CARMIL1: variants seen among roughly 807,000 people sequenced by gnomAD.
CARMIL1 encodes capping protein regulator and myosin 1 linker 1.
A neutral mutation model predicts 177.1 loss-of-function variants in CARMIL1; 90 were observed. The ratio of observed to expected loss-of-function variants is 0.51; its 90% CI spans 0.43 to 0.61. The LOEUF (loss-of-function observed/expected upper bound fraction) is 0.61, where lower values mean the gene tolerates loss of function less well. CARMIL1 is among the 20% of genes least tolerant of loss of function. The pLI is 0.00. For missense variants in CARMIL1, 1,380 were observed against 1,667.0 expected, an observed-to-expected ratio of 0.83 and a Z score of 3.00; for synonymous variants, 577 against 606.2, an observed-to-expected ratio of 0.95 and a Z score of 0.71.
At chr6:25,297,282 T>G (rs1196490729) in intron 2 of CARMIL1, among the ~76,000 whole-genome samples, 1 of 152,230 alleles carries the variant, frequency 6.6e-6, no homozygotes, top group African/African-American at 2.4e-5. Flanking sequence ...TTGGCTTGGG[T>G]GTACAGATGT....
At chr6:25,384,344 C>G (rs923077721) in intron 2 of CARMIL1, among the ~76,000 whole-genome samples, 5 of 152,210 alleles carry the variant, frequency 3.3e-5, no homozygotes, top group Admixed American at 3.3e-4. Flanking sequence ...TCTGTGGCCA[C>G]CAATAGCCAG....
chr6:25,313,572 C>CAGGGCA, intron 2 of CARMIL1, among the ~76,000 whole-genome samples: 1 of 97,712 alleles, frequency 1.0e-5, no homozygotes, highest in East Asian at 5.3e-4. Context: ...GGATGAGGGG[C>CAGGGCA]AGGGCCAGGG....
Position 25,558,022 on chromosome 6 carries a change from G to A in CARMIL1, c.2742+1172G>A, listed in dbSNP as rs1810780791. On this transcript the variant is annotated intron_variant, in intron 29 of 36. Coordinates refer to ENST00000329474, the MANE Select transcript of CARMIL1 (RefSeq NM_017640.6). This position sits in a 1 kb window ranked among gnomAD's most constrained non-coding sequence, Gnocchi z 4.1. ...ATAAACCTGCACATATATTTAATCT[G>A]GGTGGAGGAAATTGTCAAGTTTTTA... Among the ~76,000 whole-genome samples, 1 of 152,026 alleles carries A rather than the reference G, an allele frequency of 6.6e-6. No homozygotes were observed. The highest frequency in any genetic ancestry group is 2.4e-5 in the African/African-American group (1 of 41,400).
In CARMIL1 at chr6:25,540,061, G is replaced by A; in HGVS notation, c.2311G>A (p.Val771Ile). The A allele has an allele frequency of 2.5e-6, 4 of 1,605,772 alleles. No homozygotes were observed. The highest frequency in any genetic ancestry group is 1.1e-5 in the South Asian group (1 of 88,928). The change falls in exon 26 of 37, where the codon GTA becomes ATA. Residue 771 changes from valine to isoleucine, a missense_variant. Physicochemically the swap from Val to Ile is conservative, Grantham distance 29. Coordinates refer to ENST00000329474, the MANE Select transcript of CARMIL1 (RefSeq NM_017640.6). ...ESMAGEVTRVVDEQLKALLES... is the reference protein window; with the variant it reads ...ESMAGEVTRVIDEQLKALLES... ...AATGGCTGGAGAAGTTACAAGAGTA[G>A]TAGATGAACAACTAAAGGTTTGTGG...
chr6:25,451,807 A>C (rs115294482), intron 8 of CARMIL1, among the ~76,000 whole-genome samples: 279 of 152,016 alleles, frequency 1.8e-3, no homozygotes, highest in South Asian at 0.012. Context: ...TTAATAAATT[A>C]GTAGCAGGTA....
At chr6:25,411,625 A>G (rs1794910913) in intron 2 of CARMIL1, among the ~76,000 whole-genome samples, 1 of 152,224 alleles carries the variant, frequency 6.6e-6, no homozygotes. Flanking sequence ...TGACTTTGGA[A>G]AGAATGAAGT....
At chr6:25,391,801 C>T (rs1792847686) in intron 2 of CARMIL1, among the ~76,000 whole-genome samples, 1 of 152,170 alleles carries the variant, frequency 6.6e-6, no homozygotes, top group South Asian at 2.1e-4. Context: ...TCCAAGGTCA[C>T]ATGGCTAGTC....
chr6:25,560,610 G>A (rs1470016811), intron 29 of CARMIL1, among the ~76,000 whole-genome samples: 1 of 152,068 alleles, frequency 6.6e-6, no homozygotes, highest in Admixed American at 6.6e-5. Flanking sequence ...GGAAACTGAG[G>A]GAGAGAAAAG....
chr6:25,478,614 G>A (rs776921379), intron 11 of CARMIL1, among the ~76,000 whole-genome samples: 1 of 152,152 alleles, frequency 6.6e-6, no homozygotes, highest in Non-Finnish European at 1.5e-5. Flanking sequence ...GGCTAACACA[G>A]TGAAACCCCG....
At chr6:25,457,366 T>C (rs1799630633) in intron 8 of CARMIL1, among the ~76,000 whole-genome samples, 2 of 152,178 alleles carry the variant, frequency 1.3e-5, no homozygotes, top group Admixed American at 6.5e-5. Flanking sequence ...TCAAAAAATA[T>C]AGAGACCACT....
Position 25,365,855 on chromosome 6 carries a change from G to T in CARMIL1, c.139-54259G>T, listed in dbSNP as rs550380036. Among the ~76,000 whole-genome samples, 4 of 152,314 alleles carry T rather than the reference G, an allele frequency of 2.6e-5. No individual in the cohort carries two copies. The South Asian group carries it at 8.3e-4, about 32-fold the overall frequency. ...TGTACAAGTGTGAGCCACCATGCCT[G>T]ACCATAAGCCTTTTGAAAGCTGTAC... On this transcript the variant is annotated intron_variant, in intron 2 of 36. Coordinates refer to ENST00000329474, the MANE Select transcript of CARMIL1 (RefSeq NM_017640.6).
chr6:25,458,603 A>G (rs1274763461), intron 8 of CARMIL1, among the ~76,000 whole-genome samples: 2 of 151,896 alleles, frequency 1.3e-5, no homozygotes, highest in Non-Finnish European at 2.9e-5. Flanking sequence ...ATCCTGGTAT[A>G]TCCTCTGTAG....
Position 25,551,003 on chromosome 6 carries a change from A to C in CARMIL1, c.2422A>C (p.Thr808Pro). The change falls in exon 27 of 37, where the codon ACC becomes CCC. Residue 808 changes from threonine (T) to proline (P), a missense_variant. Thr to Pro is a conservative substitution (Grantham distance 38). Transcript: ENST00000329474. ...HIRQDLIHAS[T>P]EKISIPRTFV... ...TCGACAAGACTTGATTCATGCCAGC[A>C]CCGAAAAGATTTCTATTCCACGTAC... 6.2e-7 allele frequency: 1 copy of C among 1,613,570 alleles called. No homozygotes were observed. Among genetic ancestry groups the C allele is most frequent in the Non-Finnish European group, 8.5e-7 (1 of 1,179,576 alleles).
intron 2 of CARMIL1, among the ~76,000 whole-genome samples, chr6:25,294,047 T>C (rs987834971): frequency 6.6e-6 from 1 of 152,212 alleles, no homozygotes; most frequent in Non-Finnish European, 1.5e-5. Context: ...TTTGAAAGCA[T>C]TATCACTTGG....
At chr6:25,574,069 C>G (rs1453808620) in intron 29 of CARMIL1, among the ~76,000 whole-genome samples, 2 of 152,146 alleles carry the variant, frequency 1.3e-5, no homozygotes, top group Non-Finnish European at 2.9e-5. Flanking sequence ...TAGTTGATCA[C>G]TTTCCATCCC....
chr6:25,563,633 C>T (rs1049329726), intron 29 of CARMIL1: 36 of 985,218 alleles, frequency 3.7e-5, no homozygotes, highest in Non-Finnish European at 6.0e-6. Context: ...GCTAGATGGC[C>T]ATTCATTTTT....
chr6:25,318,606 A>G (rs1282894323), intron 2 of CARMIL1, among the ~76,000 whole-genome samples: 1 of 152,106 alleles, frequency 6.6e-6, no homozygotes, highest in Admixed American at 6.5e-5. Flanking sequence ...TTCTACCACT[A>G]GAGGAGAGGC....
intron 9 of CARMIL1, among the ~76,000 whole-genome samples, chr6:25,470,877 G>T (rs1359968105): frequency 2.0e-5 from 3 of 152,162 alleles, no homozygotes; most frequent in Non-Finnish European, 2.9e-5. Flanking sequence ...GGGAAATTAG[G>T]TTTTTAACTG....
chr6:25,306,425 T>C (rs1185339707), intron 2 of CARMIL1, among the ~76,000 whole-genome samples: 1 of 152,152 alleles, frequency 6.6e-6, no homozygotes, highest in African/African-American at 2.4e-5. Flanking sequence ...GTAGGCTGTG[T>C]GCTCCATATG....
Sources: allele counts gnomAD v4.1 joint callset (sites outside exome capture counted in the v4.1 genomes callset), GRCh38; gene constraint gnomAD v4.1.1; non-coding constraint Gnocchi (gnomAD v3.1); transcripts MANE v1.5; gene names NCBI Gene and HGNC (gene_info 2026-07-23, HGNC 2026-07-21).